Variants in MGRN1 observed in about 807,000 individuals in gnomAD.
The protein encoded by MGRN1 is mahogunin ring finger 1.
MGRN1 carries 29 observed loss-of-function variants against 69.2 expected under a neutral mutation model. The ratio of observed to expected loss-of-function variants is 0.42; its 90% CI spans 0.31 to 0.57. MGRN1 has a LOEUF of 0.57. Ranked by LOEUF, MGRN1 falls within the 20% of genes least tolerant of loss-of-function variation. MGRN1 has a pLI of 0.15. For synonymous variants in MGRN1, 470 were observed against 344.2 expected (o/e 1.37, Z -4.04); for missense variants, 998 against 796.2 (o/e 1.25, Z -3.05).
At chr16:4,684,994 C>G (rs2141985568) in intron 16 of MGRN1, among the ~76,000 whole-genome samples, 1 of 152,376 alleles carries the variant, frequency 6.6e-6, no homozygotes, top group Middle Eastern at 3.4e-3. Context: ...CCCCCGGACT[C>G]TGGCTGAGCA....
At chr16:4,640,370 T>A (rs2078131978) in intron 1 of MGRN1, 1 of 152,276 alleles carries the variant, frequency 6.6e-6, no homozygotes, top group African/African-American at 2.4e-5. Context: ...GCATTGAGGC[T>A]GTTCGGGGAA....
chr16:4,662,511 G>A (rs1307857302), intron 5 of MGRN1, among the ~76,000 whole-genome samples: 2 of 149,092 alleles, frequency 1.3e-5, no homozygotes, highest in African/African-American at 2.5e-5. Flanking sequence ...TCAAGACTCT[G>A]TCTCAAAAAA....
chr16:4,635,249 T>A (rs1898220815), intron 1 of MGRN1, among the ~76,000 whole-genome samples: 1 of 151,308 alleles, frequency 6.6e-6, no homozygotes, highest in African/African-American at 2.4e-5. Flanking sequence ...CTATCTCTAC[T>A]AAAAATCCAA....
rs1375855652 is a variant in MGRN1 at position 4,681,619 on chromosome 16, G to A, written c.1201G>A (p.Val401Ile). Residue 401 changes from valine to isoleucine, a missense_variant, in exon 13 of 17, where the codon GTC (valine) becomes ATC (isoleucine). Physicochemically the swap from Val to Ile is conservative, Grantham distance 29. Coordinates refer to ENST00000262370, the MANE Select transcript of MGRN1 (RefSeq NM_015246.4). ...CGAGGCGCTCAACGGCCTCCGGGCTGTCTCCCCGGCCATCCCCTCGGCCCC... is the reference window on the plus strand; with the variant it reads ...CGAGGCGCTCAACGGCCTCCGGGCTATCTCCCCGGCCATCCCCTCGGCCCC... ...LLEALNGLRAVSPAIPSAPLY... is the reference protein window; with the variant it reads ...LLEALNGLRAISPAIPSAPLY... 6.2e-6 allele frequency: 10 copies of A among 1,613,404 alleles called. No individual in the cohort carries two copies. The East Asian group carries it at 1.3e-4, about 22-fold the overall frequency.
Position 4,688,795 on chromosome 16 carries a change from G to C in MGRN1, c.1619-1G>C. Reference sequence around the variant, plus strand: ...CCTCCTCCCTCTGCTCCCACCTGCAGGACGGCCCACCTCCATGGAGACGGC... The same window carrying C: ...CCTCCTCCCTCTGCTCCCACCTGCACGACGGCCCACCTCCATGGAGACGGC... On this transcript the variant is annotated splice_acceptor_variant, in intron 16 of 16. Transcript: ENST00000262370. LOFTEE classifies it high-confidence loss of function. The C allele has an allele frequency of 6.5e-7, 1 of 1,545,120 alleles. No homozygotes were observed. The highest frequency in any genetic ancestry group is 8.8e-7 in the Non-Finnish European group (1 of 1,142,428).
chr16:4,666,741 G>T (rs1257417734), intron 7 of MGRN1, among the ~76,000 whole-genome samples: 1 of 152,134 alleles, frequency 6.6e-6, no homozygotes, highest in Non-Finnish European at 1.5e-5. Context: ...GGCTGGGCAG[G>T]CCCTGCTTCC....
At chr16:4,685,148 C>G (rs543946420) in intron 16 of MGRN1, among the ~76,000 whole-genome samples, 2 of 152,352 alleles carry the variant, frequency 1.3e-5, no homozygotes, top group African/African-American at 4.8e-5. Context: ...TAAAGTGACA[C>G]AGAATTCGAG....
chr16:4,665,357 A>G (rs1205990044), intron 7 of MGRN1, among the ~76,000 whole-genome samples: 2 of 141,900 alleles, frequency 1.4e-5, no homozygotes, highest in Non-Finnish European at 1.5e-5. Flanking sequence ...GAGGCTTAGC[A>G]TTTCCTTTTT....
chr16:4,641,469 C>G (rs563966875), intron 1 of MGRN1, among the ~76,000 whole-genome samples: 1 of 147,468 alleles, frequency 6.8e-6, no homozygotes, highest in African/African-American at 2.4e-5. Flanking sequence ...CTGCCTCAGC[C>G]TCTTGAGTGG....
At chr16:4,660,693 C>T (rs1197140390) in intron 5 of MGRN1, among the ~76,000 whole-genome samples, 1 of 152,248 alleles carries the variant, frequency 6.6e-6, no homozygotes. Context: ...GCGAACTCCC[C>T]ATTTCCGGGC....
chr16:4,675,608 A>G (rs1022279734), intron 10 of MGRN1, among the ~76,000 whole-genome samples: 8 of 152,072 alleles, frequency 5.3e-5, no homozygotes, highest in South Asian at 2.1e-4. Context: ...TGTGTTGGCT[A>G]TAGTACCAGT....
Position 4,625,008 on chromosome 16 carries a change from C to T in MGRN1, c.48C>T (p.Asp16=), listed in dbSNP as rs773522921. 15 of 1,560,898 alleles carry T rather than the reference C, an allele frequency of 9.6e-6. No individual in the cohort carries two copies. The highest frequency in any genetic ancestry group is 2.8e-5 in the African/African-American group (2 of 70,446). The change falls in exon 1 of 17, where the codon GAC becomes GAT. Residue 16 remains aspartate, a synonymous_variant. Transcript: ENST00000262370. ...GCATCGCGGGGGTGGAGGACATCGA[C>T]ATCCAGGCGAACTCGGCCTATCGCT... is the stretch of plus-strand genomic sequence containing the variant. The part of the protein sequence containing the change: ...SRRIAGVEDI[D]IQANSAYRYP...
chr16:4,688,068 C>T (rs199969076), intron 16 of MGRN1: 149 of 985,538 alleles, frequency 1.5e-4, no homozygotes, highest in East Asian at 2.3e-4. Flanking sequence ...GAAACCTGCT[C>T]TCGCCGCGGC....
intron 1 of MGRN1, among the ~76,000 whole-genome samples, chr16:4,639,591 G>C (rs1415030311): frequency 6.6e-6 from 1 of 152,218 alleles, no homozygotes; most frequent in African/African-American, 2.4e-5. Flanking sequence ...CCTGTCCCCA[G>C]ATGCACAGCG....
At chr16:4,671,523 C>CAGCA (rs1295272987) in intron 9 of MGRN1, 64 bp downstream of exon 9, 9 of 1,487,166 alleles carry the variant, frequency 6.1e-6, no homozygotes, top group Admixed American at 1.7e-5. Flanking sequence ...CAGCCGCGGA[C>CAGCA]AGCAATGCTT....
chr16:4,647,291 C>T (rs903136434), intron 1 of MGRN1, among the ~76,000 whole-genome samples: 1 of 152,220 alleles, frequency 6.6e-6, no homozygotes, highest in Non-Finnish European at 1.5e-5. Context: ...GGCCAGCATC[C>T]GGAGACCACC....
chr16:4,626,219 A>G (rs1897671115), intron 1 of MGRN1, among the ~76,000 whole-genome samples: 2 of 152,218 alleles, frequency 1.3e-5, no homozygotes, highest in Non-Finnish European at 2.9e-5. Context: ...TCTGAAGGGG[A>G]TGGACTCAGA....
At chr16:4,628,289 G>A (rs1429803916) in intron 1 of MGRN1, among the ~76,000 whole-genome samples, 1 of 150,960 alleles carries the variant, frequency 6.6e-6, no homozygotes, top group Non-Finnish European at 1.5e-5. Flanking sequence ...GGGAGGCTGA[G>A]GCAGGAGAAT....
At chr16:4,643,993 G>A (rs575043613) in intron 1 of MGRN1, among the ~76,000 whole-genome samples, 19 of 151,868 alleles carry the variant, frequency 1.3e-4, no homozygotes, top group African/African-American at 4.4e-4. Flanking sequence ...TTTTTTTTGA[G>A]ATGGAGTCTC....
Sources: gnomAD v4.1 joint callset for allele counts (sites outside exome capture counted in the v4.1 genomes callset) on GRCh38, gnomAD v4.1.1 for gene constraint, MANE v1.5 for transcripts, NCBI Gene and HGNC (gene_info 2026-07-23, HGNC 2026-07-21) for gene names.